CDHR3: variants seen among roughly 807,000 people sequenced by gnomAD.
CDHR3 encodes cadherin-related family member 3.
In CDHR3, 79 loss-of-function variants were observed where a neutral mutation model predicts 86.6. The ratio of observed to expected loss-of-function variants is 0.91; its 90% CI spans 0.76 to 1.10. The LOEUF (loss-of-function observed/expected upper bound fraction) is 1.10. CDHR3 is among the 50% of genes least tolerant of loss of function. The pLI, the probability that CDHR3 is intolerant of heterozygous loss-of-function variation, is 0.00. For synonymous variants in CDHR3, 421 were observed against 402.4 expected, an observed-to-expected ratio of 1.05 and a Z score of -0.55; for missense variants, 1,081 against 1,077.6, an observed-to-expected ratio of 1.00 and a Z score of -0.04.
At chr7:106,016,956 C>T (rs146711064) in intron 11 of CDHR3, among the ~76,000 whole-genome samples, 178 of 152,252 alleles carry the variant, frequency 1.2e-3, no homozygotes, top group Non-Finnish European at 1.9e-3. Context: ...AGGTTCTGCC[C>T]TTGAGGAGTG....
chr7:105,987,380 G>A (rs1830677951), intron 4 of CDHR3, among the ~76,000 whole-genome samples: 1 of 152,236 alleles, frequency 6.6e-6, no homozygotes. Flanking sequence ...CCAGCCTGCA[G>A]GAGCGGTGGA....
In CDHR3 at chr7:106,020,540, C is replaced by T; in HGVS notation, c.1821C>T (p.Gly607=). 1 of 1,612,944 alleles carries T rather than the reference C, an allele frequency of 6.2e-7. No individual in the cohort carries two copies. The highest frequency in any genetic ancestry group is 1.3e-5 in the African/African-American group (1 of 75,014). Residue 607 remains glycine, a synonymous_variant, in exon 13 of 19, where the codon GGC becomes GGT. Transcript: ENST00000317716. The part of the protein sequence containing the change: ...SSPRSFRYSI[G]PGNVNNHFTF... ...CCAGATCTTTCCGTTATTCCATTGG[C>T]CCAGGTATAGTACTTGGTGTCGACA...
chr7:106,028,936 C>CTTTCTTTCTTTCTTTCTTTT lies in CDHR3; in HGVS notation c.2304+373_2304+374insTTTTCTTTCTTTCTTTCTTT, dbSNP rs1563311980. 4.0e-4 allele frequency among the ~76,000 whole-genome samples: 41 copies of CTTTCTTTCTTTCTTTCTTTT among 102,660 alleles called. 1 individual carries two copies. The highest frequency in any genetic ancestry group is 7.6e-4 in the Non-Finnish European group (37 of 48,966). 67.3% of individuals were successfully genotyped at this position (102,660 alleles called of 152,430 possible). A position where few individuals can be genotyped will look rare whatever the true frequency, so the allele number is the denominator to read the frequency against. On this transcript the variant is annotated intron_variant, in intron 17 of 18. Coordinates refer to ENST00000317716, the MANE Select transcript of CDHR3 (RefSeq NM_152750.5). ...TTAAATTTTCTTTCTTTCTTTCTTT[C>CTTTCTTTCTTTCTTTCTTTT]TTTCTTTCTTTCTTTCTTTCTTTCT...
intron 13 of CDHR3, among the ~76,000 whole-genome samples, chr7:106,021,002 CT>C (rs893422121): frequency 6.6e-6 from 1 of 152,176 alleles, no homozygotes; most frequent in African/African-American, 2.4e-5. Context: ...TGCAGTCCAA[CT>C]TTTCGACCAC....
At chr7:105,993,164 T>C (rs1331820328) in intron 4 of CDHR3, among the ~76,000 whole-genome samples, 2 of 152,188 alleles carry the variant, frequency 1.3e-5, no homozygotes, top group Non-Finnish European at 2.9e-5. Flanking sequence ...GGATAGAACA[T>C]CCCTCATCCT....
chr7:105,985,943 A>G (rs1049732221), intron 4 of CDHR3, among the ~76,000 whole-genome samples: 1 of 152,218 alleles, frequency 6.6e-6, no homozygotes, highest in Non-Finnish European at 1.5e-5. Flanking sequence ...TGCTACCATC[A>G]GGAGCCTGGG....
chr7:105,998,914 C>T (rs1452720966), intron 6 of CDHR3, among the ~76,000 whole-genome samples: 3 of 152,200 alleles, frequency 2.0e-5, no homozygotes, highest in African/African-American at 4.8e-5. Flanking sequence ...TTCTCCCCTC[C>T]TGCCCATTTC....
chr7:105,983,415 T>G (rs973823314), intron 3 of CDHR3, among the ~76,000 whole-genome samples: 2 of 152,182 alleles, frequency 1.3e-5, no homozygotes, highest in African/African-American at 4.8e-5. Flanking sequence ...AAGCACTAAT[T>G]ACGCTAAAAG....
intron 8 of CDHR3, among the ~76,000 whole-genome samples, chr7:106,005,917 G>C (rs1481911635): frequency 6.6e-6 from 1 of 152,186 alleles, no homozygotes; most frequent in Non-Finnish European, 1.5e-5. Context: ...CGCTGACCTG[G>C]ATGGATACCG....
At chr7:105,986,580 C>A (rs184513422) in intron 4 of CDHR3, among the ~76,000 whole-genome samples, 9 of 152,204 alleles carry the variant, frequency 5.9e-5, no homozygotes, top group Non-Finnish European at 1.3e-4. Flanking sequence ...AATGAAGACC[C>A]AAAGACCCCC....
At chr7:105,989,291 C>G (rs1831005235) in intron 4 of CDHR3, among the ~76,000 whole-genome samples, 1 of 150,658 alleles carries the variant, frequency 6.6e-6, no homozygotes, top group Non-Finnish European at 1.5e-5. Flanking sequence ...CCCACACTCT[C>G]TGCTTCCCCC....
intron 6 of CDHR3, among the ~76,000 whole-genome samples, chr7:105,998,161 A>G (rs964429535): frequency 6.6e-5 from 10 of 152,176 alleles, no homozygotes; most frequent in African/African-American, 1.7e-4. Flanking sequence ...GAGGGCTTTC[A>G]TGGTTCCCTT....
intron 1 of CDHR3, among the ~76,000 whole-genome samples, chr7:105,969,447 G>A (rs1439278259): frequency 1.3e-5 from 2 of 151,438 alleles, no homozygotes; most frequent in Non-Finnish European, 2.9e-5. Flanking sequence ...GTGGGTCCTA[G>A]GAGTTTCTGA....
intron 10 of CDHR3, 171 bp from the exon 11 acceptor site, chr7:106,015,756 T>C: frequency 4.5e-6 from 3 of 666,534 alleles, no homozygotes; most frequent in Middle Eastern, 2.4e-4. Flanking sequence ...GCTCATGCGC[T>C]TATCAAAGGG....
In CDHR3 at chr7:106,024,486, G is replaced by T. The variant is rs773773459; in HGVS notation, c.2182G>T (p.Val728Leu). 6.2e-7 allele frequency: 1 copy of T among 1,614,032 alleles called. No homozygotes were observed. Among genetic ancestry groups the T allele is most frequent in the Admixed American group, 1.7e-5 (1 of 60,030 alleles). Residue 728 changes from valine to leucine, a missense_variant, in exon 15 of 19, where the codon GTG becomes TTG. Val to Leu is a conservative substitution (Grantham distance 32). Coordinates refer to ENST00000317716, the MANE Select transcript of CDHR3 (RefSeq NM_152750.5). ...LGSILLLGLL[V>L]YLVVLLAKAI... Reference sequence around the variant, plus strand: ...CTCCATATTGCTTCTGGGTCTCCTCGTGTACCTGGTCGTCCTATTGGCCAA... The same window carrying T: ...CTCCATATTGCTTCTGGGTCTCCTCTTGTACCTGGTCGTCCTATTGGCCAA...
chr7:105,981,072 C>T lies in CDHR3; in HGVS notation c.354C>T (p.Val118=), dbSNP rs752062071. 2.7e-5 allele frequency: 43 copies of T among 1,613,436 alleles called. No individual in the cohort carries two copies. In the Admixed American group the frequency reaches 7.2e-4, roughly 27 times the overall value. The change falls in exon 3 of 19, where the codon GTC becomes GTT. Residue 118 remains valine, a synonymous_variant. Transcript: ENST00000317716. The part of the protein sequence containing the change: ...KDEVGVTDLQ[V]LTVQVTDVNE... Reference sequence around the variant, plus strand: ...AGGTTGGTGTCACAGACCTGCAAGTCCTGACTGTCCAGGTAACAGATGTGA... The same window carrying T: ...AGGTTGGTGTCACAGACCTGCAAGTTCTGACTGTCCAGGTAACAGATGTGA...
At position 106,030,740 on chromosome 7, in the gene CDHR3, T is replaced by A. The variant is rs1433521383; in HGVS notation, c.2305-52T>A. 16 of 1,564,868 alleles carry A rather than the reference T, an allele frequency of 1.0e-5. No individual in the cohort carries two copies. Among genetic ancestry groups the A allele is most frequent in the Non-Finnish European group, 1.2e-5 (14 of 1,145,486 alleles). On this transcript the variant is annotated intron_variant, in intron 17 of 18. Transcript: ENST00000317716. The surrounding 1 kb of genome is among the most constrained non-coding windows in gnomAD (Gnocchi z 4.8). ...GGTTGTGAGGATGTGTAGCTTTGCC[T>A]GGGGGAAGGAATGTAGGATTGTGTT...
intron 4 of CDHR3, among the ~76,000 whole-genome samples, chr7:105,985,911 G>C (rs1830452372): frequency 6.6e-6 from 1 of 152,176 alleles, no homozygotes; most frequent in African/African-American, 2.4e-5. Context: ...GAGGCAGGCA[G>C]GCAGTTCAGC....
intron 7 of CDHR3, among the ~76,000 whole-genome samples, chr7:106,002,990 T>C (rs1370434318): frequency 6.6e-6 from 1 of 151,758 alleles, no homozygotes; most frequent in Non-Finnish European, 1.5e-5. Flanking sequence ...AAAAATTAGC[T>C]GAGTGTCATG....
Sources: gnomAD v4.1 joint callset for allele counts (sites outside exome capture counted in the v4.1 genomes callset) on GRCh38, gnomAD v4.1.1 for gene constraint, Gnocchi (gnomAD v3.1) non-coding constraint, MANE v1.5 for transcripts, NCBI Gene and HGNC (gene_info 2026-07-23, HGNC 2026-07-21) for gene names.